EZR: variants seen among roughly 807,000 people sequenced by gnomAD.
EZR encodes cytovillin 2.
A neutral mutation model predicts 74.8 loss-of-function variants in EZR; 40 were observed. The observed-to-expected ratio is 0.53, with a 90% CI of 0.42 to 0.70. The LOEUF (loss-of-function observed/expected upper bound fraction) is 0.70. EZR is among the 30% of genes least tolerant of loss of function. The pLI, the probability that EZR is intolerant of heterozygous loss-of-function variation, is 0.00. For synonymous variants in EZR, 341 were observed against 283.3 expected (o/e 1.20, Z -2.05); for missense variants, 678 against 755.8 (o/e 0.90, Z 1.21).
At position 158,818,493 on chromosome 6, in the gene EZR, G is replaced by T. The variant is rs1777615065; in HGVS notation, c.-73-327C>A. Among the ~76,000 whole-genome samples, 6 of 151,220 alleles carry T rather than the reference G, an allele frequency of 4.0e-5. No individual in the cohort carries two copies. In the South Asian group the frequency reaches 1.2e-3, roughly 31 times the overall value. On this transcript the variant is annotated intron_variant, in intron 1 of 13. Coordinates refer to ENST00000367075, the MANE Select transcript of EZR (RefSeq NM_001111077.2). ...GACCCCCAGCATGAAGGGGCTGGTG[G>T]GGGGCGCAGGCCCGGGAGAGAGAGG...
intron 7 of EZR, among the ~76,000 whole-genome samples, chr6:158,779,974 G>A (rs540022619): frequency 6.6e-6 from 1 of 152,074 alleles, no homozygotes; most frequent in East Asian, 1.9e-4. Flanking sequence ...TTTGAGGTCA[G>A]GAGTTTGAGA....
intron 7 of EZR, among the ~76,000 whole-genome samples, chr6:158,780,551 G>A (rs963863819): frequency 6.6e-6 from 1 of 152,150 alleles, no homozygotes; most frequent in Non-Finnish European, 1.5e-5. Context: ...CATGTTCTGT[G>A]GCTCCTGTTT....
intron 8 of EZR, among the ~76,000 whole-genome samples, chr6:158,771,693 A>G (rs770590995): frequency 5.3e-5 from 8 of 152,144 alleles, no homozygotes; most frequent in African/African-American, 7.2e-5. Flanking sequence ...GTGTGTGGGT[A>G]GGGACATCCT....
chr6:158,770,775 T>C lies in EZR; in HGVS notation c.1079A>G (p.Lys360Arg), dbSNP rs1791079943. 6.2e-7 allele frequency: 1 copy of C among 1,614,080 alleles called. No homozygotes were observed. The highest frequency in any genetic ancestry group is 1.7e-5 in the Admixed American group (1 of 60,008). ...CCAGGGCGCCTGACCTCTCTCTGCC[T>C]TCTTTGTCTTCTCCTCATAGTCCTG... is the stretch of plus-strand genomic sequence containing the variant. ...RLQDYEEKTK[K>R]AERELSEQIQ... Residue 360 changes from lysine (K) to arginine (R), a missense_variant, in exon 10 of 14, where the codon AAG (lysine) becomes AGG (arginine). Lys to Arg is a conservative substitution (Grantham distance 26). This residue lies in a region of EZR where 342 missense variants were observed against 341.2 expected (regional missense o/e 1.00). Coordinates refer to ENST00000367075, the MANE Select transcript of EZR (RefSeq NM_001111077.2).
chr6:158,783,870 C>T (rs943193605), intron 6 of EZR, among the ~76,000 whole-genome samples: 5 of 152,152 alleles, frequency 3.3e-5, no homozygotes, highest in East Asian at 1.9e-4. Context: ...GGGTGGGGTC[C>T]GTGCTGCCCT....
intron 2 of EZR, among the ~76,000 whole-genome samples, chr6:158,789,786 T>C (rs1791684761): frequency 6.6e-6 from 1 of 152,202 alleles, no homozygotes; most frequent in Non-Finnish European, 1.5e-5. Flanking sequence ...TAGCTCGTTT[T>C]GTTTTTTACT....
chr6:158,769,653 G>A (rs909910480), intron 11 of EZR, 131 bp downstream of exon 11: 8 of 1,349,450 alleles, frequency 5.9e-6, no homozygotes, highest in South Asian at 3.9e-5. Flanking sequence ...CCCACCAGCT[G>A]CCTTCAGCCC....
intron 2 of EZR, among the ~76,000 whole-genome samples, chr6:158,800,717 G>T (rs548301373): frequency 6.6e-6 from 1 of 152,070 alleles, no homozygotes; most frequent in Non-Finnish European, 1.5e-5. Context: ...CAGGACAATC[G>T]CTTGAACCTG....
chr6:158,784,583 G>A, intron 6 of EZR, 61 bp downstream of exon 6: 1 of 1,455,206 alleles, frequency 6.9e-7, no homozygotes, highest in Non-Finnish European at 9.7e-7. Context: ...AGAGTCACAG[G>A]AAAAGACATG....
chr6:158,770,984 G>A, intron 9 of EZR, 90 bp from the exon 10 acceptor site: 2 of 1,584,160 alleles, frequency 1.3e-6, no homozygotes, highest in Admixed American at 3.4e-5. Flanking sequence ...GAAGCTCCAG[G>A]ATGGACTTGG....
Position 158,771,326 on chromosome 6 carries a change from G to A in EZR, c.877C>T (p.Arg293Cys), listed in dbSNP as rs749396044. Residue 293 changes from arginine to cysteine, a missense_variant, in exon 9 of 14, where the codon CGC becomes TGC. This residue lies in a region of EZR where 119 missense variants were observed against 182.3 expected (regional missense o/e 0.65). Transcript: ENST00000367075. ...LCMGNHELYMRRRKPDTIEVQ... is the reference protein window; with the variant it reads ...LCMGNHELYMCRRKPDTIEVQ... Reference sequence around the variant, plus strand: ...TCGATGGTGTCAGGCTTCCTGCGGCGCATATACAACTCATGGTTGCCCATG... The same window carrying A: ...TCGATGGTGTCAGGCTTCCTGCGGCACATATACAACTCATGGTTGCCCATG... The A allele has an allele frequency of 1.4e-5, 22 of 1,614,188 alleles. No homozygotes were observed. Among genetic ancestry groups the A allele is most frequent in the East Asian group, 2.2e-5 (1 of 44,886 alleles).
At chr6:158,776,570 A>AT in intron 7 of EZR, 66 bp from the exon 8 acceptor site, 1 of 1,141,728 alleles carries the variant, frequency 8.8e-7, no homozygotes, top group Non-Finnish European at 1.3e-6. Flanking sequence ...GCTAAGAGAG[A>AT]TTCGCAAATC....
rs77225518 is a variant in EZR, at chr6:158,807,498, C to T, written c.12+10584G>A. On this transcript the variant is annotated intron_variant, in intron 2 of 13. Coordinates refer to ENST00000367075, the MANE Select transcript of EZR (RefSeq NM_001111077.2). ...GGGTTTGGAAATGATGGACTTATCA[C>T]CAAACCCTTGCAAAAACAAGTTCTT... Among the ~76,000 whole-genome samples, 591 of 152,222 alleles carry T rather than the reference C, an allele frequency of 3.9e-3. 5 individuals are homozygous for T. Among genetic ancestry groups the T allele is most frequent in the African/African-American group, 0.014 (565 of 41,528 alleles).
intron 2 of EZR, among the ~76,000 whole-genome samples, chr6:158,816,873 G>C (rs1777568362): frequency 6.6e-6 from 1 of 152,106 alleles, no homozygotes; most frequent in Non-Finnish European, 1.5e-5. Flanking sequence ...ATCACCTGAG[G>C]TCAGGAGTTT....
At chr6:158,796,264 G>C (rs1487692782) in intron 2 of EZR, among the ~76,000 whole-genome samples, 1 of 152,218 alleles carries the variant, frequency 6.6e-6, no homozygotes, top group Non-Finnish European at 1.5e-5. Flanking sequence ...GACAGCACAG[G>C]TGTTACCACT....
At chr6:158,771,582 G>A (rs556808200) in intron 8 of EZR, among the ~76,000 whole-genome samples, 175 bp from the exon 9 acceptor site, 5 of 152,330 alleles carry the variant, frequency 3.3e-5, no homozygotes, top group African/African-American at 4.8e-5. Flanking sequence ...GGAAGGGCAC[G>A]TGCCGCGTGT....
At chr6:158,794,309 GCACCAGCACCAGCACCACCAC>G (rs1174967335) in intron 2 of EZR, among the ~76,000 whole-genome samples, 3 of 151,894 alleles carry the variant, frequency 2.0e-5, no homozygotes, top group African/African-American at 7.3e-5. Context: ...ACTACCACCA[GCACCAGCACCAGCACCACCAC>G]CACCAGGCTT....
intron 2 of EZR, among the ~76,000 whole-genome samples, chr6:158,803,832 CG>C (rs1272272632): frequency 6.6e-6 from 1 of 151,432 alleles, no homozygotes; most frequent in Non-Finnish European, 1.5e-5. Flanking sequence ...ACACAAAAAG[CG>C]GACAAACCAG....
At chr6:158,817,125 C>A (rs1424379285) in intron 2 of EZR, among the ~76,000 whole-genome samples, 1 of 152,106 alleles carries the variant, frequency 6.6e-6, no homozygotes. Flanking sequence ...GATTACAGAA[C>A]CAACTTGTTT....
Sources: gnomAD v4.1 joint callset for allele counts (sites outside exome capture counted in the v4.1 genomes callset) on GRCh38, gnomAD v4.1.1 for gene constraint, gnomAD v4.1.1 regional missense constraint, MANE v1.5 for transcripts, NCBI Gene and HGNC (gene_info 2026-07-23, HGNC 2026-07-21) for gene names.